Variants in CCSER1 observed in about 807,000 individuals in gnomAD.
CCSER1 encodes the protein serine-rich coiled-coil domain-containing protein 1.
In CCSER1, 41 loss-of-function variants were observed where a neutral mutation model predicts 82.0. That is an observed-to-expected ratio of 0.50 (90% CI 0.39 to 0.65). The LOEUF is 0.65. Ranked by LOEUF, CCSER1 falls within the 30% of genes least tolerant of loss-of-function variation. The pLI is 0.00. For missense variants in CCSER1, 1,119 were observed against 1,064.2 expected, an observed-to-expected ratio of 1.05 and a Z score of -0.72; for synonymous variants, 414 against 383.9, an observed-to-expected ratio of 1.08 and a Z score of -0.92.
intron 8 of CCSER1, among the ~76,000 whole-genome samples, chr4:90,850,101 AG>A (rs1561245320): frequency 1.3e-5 from 2 of 152,170 alleles, no homozygotes; most frequent in Non-Finnish European, 2.9e-5. Flanking sequence ...CCATTGCTTC[AG>A]AGGGTTCAAG....
chr4:91,491,398 A>G (rs1251055875), intron 10 of CCSER1, among the ~76,000 whole-genome samples: 1 of 152,084 alleles, frequency 6.6e-6, no homozygotes, highest in East Asian at 1.9e-4. Context: ...AATACTTTAA[A>G]CAGAGCTTAG....
At chr4:90,442,652 G>C (rs1454151507) in intron 4 of CCSER1, among the ~76,000 whole-genome samples, 1 of 152,154 alleles carries the variant, frequency 6.6e-6, no homozygotes, top group African/African-American at 2.4e-5. Context: ...ATTGAGGCAA[G>C]TTTTGACGAT....
chr4:90,762,170 G>T (rs924423499), intron 7 of CCSER1, among the ~76,000 whole-genome samples: 6 of 152,112 alleles, frequency 3.9e-5, no homozygotes, highest in African/African-American at 9.7e-5. Flanking sequence ...AATCATAGGG[G>T]TGGTTACCTC....
chr4:90,547,203 C>G (rs78103497), intron 5 of CCSER1, among the ~76,000 whole-genome samples: 24,097 of 138,288 alleles, frequency 0.17, 2,486 homozygotes, highest in East Asian at 0.44. Context: ...TTGTTAATGC[C>G]AATACAATGT....
At chr4:90,253,236 G>T (rs1288625963) in intron 1 of CCSER1, among the ~76,000 whole-genome samples, 1 of 151,982 alleles carries the variant, frequency 6.6e-6, no homozygotes, top group Non-Finnish European at 1.5e-5. Context: ...TTAAGAAAAG[G>T]AATGGAAAGA....
At chr4:90,797,465 T>G (rs1756197735) in intron 7 of CCSER1, among the ~76,000 whole-genome samples, 1 of 152,226 alleles carries the variant, frequency 6.6e-6, no homozygotes, top group Non-Finnish European at 1.5e-5. Flanking sequence ...ACTGGGGAAT[T>G]TAGCCCATTT....
At chr4:90,957,555 TA>T (rs1733621061) in intron 9 of CCSER1, among the ~76,000 whole-genome samples, 1 of 50,166 alleles carries the variant, frequency 2.0e-5, no homozygotes, top group South Asian at 6.0e-4. Context: ...AATTATATTA[TA>T]TATATTATAT....
At chr4:91,104,082 G>A (rs183565925) in intron 10 of CCSER1, among the ~76,000 whole-genome samples, 26 of 152,216 alleles carry the variant, frequency 1.7e-4, no homozygotes, top group Non-Finnish European at 3.5e-4. Flanking sequence ...AGTACCCTTA[G>A]GCTTACTAGG....
intron 10 of CCSER1, among the ~76,000 whole-genome samples, chr4:91,531,568 A>G (rs780669765): frequency 3.9e-5 from 6 of 152,186 alleles, no homozygotes; most frequent in Non-Finnish European, 7.3e-5. Flanking sequence ...ATTGTTAGTT[A>G]CTCCATGTTT....
intron 10 of CCSER1, among the ~76,000 whole-genome samples, chr4:91,352,540 G>T (rs957087048): frequency 6.6e-6 from 1 of 152,124 alleles, no homozygotes; most frequent in Non-Finnish European, 1.5e-5. Flanking sequence ...CACCGTGCCC[G>T]GCAGGAAGAT....
intron 1 of CCSER1, among the ~76,000 whole-genome samples, chr4:90,269,140 G>T (rs533915350): frequency 1.5e-3 from 231 of 152,170 alleles, no homozygotes; most frequent in African/African-American, 5.4e-3. Context: ...TATCCAGTTG[G>T]AAAACTAGCA....
intron 3 of CCSER1, among the ~76,000 whole-genome samples, chr4:90,351,143 ATATAT>A (rs1236128576): frequency 6.6e-6 from 1 of 152,216 alleles, no homozygotes; most frequent in Non-Finnish European, 1.5e-5. Context: ...AGGTATTAAA[ATATAT>A]TGTAAATCTA....
intron 3 of CCSER1, among the ~76,000 whole-genome samples, chr4:90,332,579 G>A (rs963808369): frequency 1.3e-5 from 2 of 151,940 alleles, no homozygotes; most frequent in Non-Finnish European, 2.9e-5. Flanking sequence ...GAAGTTAGAT[G>A]GATTAAGTAA....
chr4:90,158,888 C>T (rs967130768), intron 1 of CCSER1, among the ~76,000 whole-genome samples: 6 of 152,082 alleles, frequency 3.9e-5, no homozygotes, highest in Non-Finnish European at 8.8e-5. Context: ...CACCCACTGT[C>T]CTGCGCCCAC....
In CCSER1 at chr4:90,308,352, A is replaced by G; in HGVS notation, c.68A>G (p.Asn23Ser). 6.2e-7 allele frequency: 1 copy of G among 1,612,880 alleles called. No homozygotes were observed. ...SRLPIFRRSINRRHDSLPSSP... is the reference protein window; with the variant it reads ...SRLPIFRRSISRRHDSLPSSP... The stretch of plus-strand genomic sequence containing the variant: ...TTGCCAATATTCAGAAGAAGTATTA[A>G]CAGAAGACATGATTCTCTTCCTTCT... Residue 23 changes from asparagine (N) to serine (S), a missense_variant, in exon 2 of 11, where the codon AAC (asparagine) becomes AGC (serine). Physicochemically the swap from Asn to Ser is conservative, Grantham distance 46. Coordinates refer to ENST00000509176, the MANE Select transcript of CCSER1 (RefSeq NM_001145065.2).
intron 10 of CCSER1, among the ~76,000 whole-genome samples, chr4:91,496,599 TTTG>T (rs1758831883): frequency 7.0e-5 from 2 of 28,374 alleles, no homozygotes; most frequent in African/African-American, 1.8e-4. Context: ...CGAATATATA[TTTG>T]AATATATATA....
intron 8 of CCSER1, among the ~76,000 whole-genome samples, chr4:90,916,137 C>T (rs1310500209): frequency 6.6e-6 from 1 of 152,192 alleles, no homozygotes; most frequent in East Asian, 1.9e-4. Flanking sequence ...CTACCAATGA[C>T]TTTCCTCACA....
At chr4:91,486,715 C>T (rs1361826158) in intron 10 of CCSER1, among the ~76,000 whole-genome samples, 4 of 151,960 alleles carry the variant, frequency 2.6e-5, no homozygotes, top group Non-Finnish European at 4.4e-5. Context: ...TTTGAGAGGT[C>T]GTGGATAGAT....
chr4:90,195,651 G>A (rs1401232979), intron 1 of CCSER1, among the ~76,000 whole-genome samples: 2 of 152,066 alleles, frequency 1.3e-5, no homozygotes, highest in Non-Finnish European at 2.9e-5. Flanking sequence ...TGTAGGAGCA[G>A]GGGGTATATG....
Sources: allele counts gnomAD v4.1 joint callset (sites outside exome capture counted in the v4.1 genomes callset), GRCh38; gene constraint gnomAD v4.1.1; transcripts MANE v1.5; gene names NCBI Gene and HGNC (gene_info 2026-07-23, HGNC 2026-07-21).